Variants in STMN1 observed in about 807,000 individuals in gnomAD.
STMN1 encodes the protein stathmin 1.
In STMN1, 3 loss-of-function variants were observed where a neutral mutation model predicts 19.7. That is an observed-to-expected ratio of 0.15 (90% CI 0.07 to 0.39). The LOEUF is 0.39. Among genes scored for constraint, STMN1 ranks in the 10% least tolerant of loss-of-function variants. The pLI is 1.00. For missense variants in STMN1, 99 were observed against 176.0 expected, an observed-to-expected ratio of 0.56 and a Z score of 2.48; for synonymous variants, 59 against 58.9, an observed-to-expected ratio of 1.00 and a Z score of -0.01.
chr1:25,900,483 A>G lies in STMN1; in HGVS notation c.*533T>C, dbSNP rs1368994758. 1.4e-5 allele frequency: 14 copies of G among 985,828 alleles called. No individual in the cohort carries two copies. The highest frequency in any genetic ancestry group is 1.7e-5 in the Non-Finnish European group (14 of 830,028). 61.1% of individuals were successfully genotyped at this position (985,828 alleles called of 1,614,324 possible). On this transcript the variant is annotated 3_prime_UTR_variant, in exon 5 of 5. Coordinates refer to ENST00000455785, the MANE Select transcript of STMN1 (RefSeq NM_005563.4). Reference sequence around the variant, plus strand: ...TGCGTTGGGTATTTCTACCAGCCCCAAAGGCCCCATCTGGAACAAGTATCA... The same window carrying G: ...TGCGTTGGGTATTTCTACCAGCCCCGAAGGCCCCATCTGGAACAAGTATCA...
intron 2 of STMN1, among the ~76,000 whole-genome samples, chr1:25,904,091 T>C (rs769496639): frequency 4.6e-5 from 7 of 152,150 alleles, no homozygotes; most frequent in Non-Finnish European, 7.4e-5. Context: ...CATGGGAAGA[T>C]CCCTTGAGCC....
chr1:25,900,464 G>T lies in STMN1; in HGVS notation c.*552C>A. 1.0e-6 allele frequency: 1 copy of T among 985,824 alleles called. No homozygotes were observed. Among genetic ancestry groups the T allele is most frequent in the Non-Finnish European group, 1.2e-6 (1 of 829,956 alleles). 61.1% of individuals were successfully genotyped at this position (985,824 alleles called of 1,614,324 possible). Reference sequence around the variant, plus strand: ...GAGAACGTGCGGTCATTTGTGCGTTGGGTATTTCTACCAGCCCCAAAGGCC... The same window carrying T: ...GAGAACGTGCGGTCATTTGTGCGTTTGGTATTTCTACCAGCCCCAAAGGCC... On this transcript the variant is annotated 3_prime_UTR_variant, in exon 5 of 5. Transcript: ENST00000455785.
chr1:25,894,450 C>T (rs1211929115), intron 4 of STMN1, among the ~76,000 whole-genome samples: 1 of 152,136 alleles, frequency 6.6e-6, no homozygotes, highest in Non-Finnish European at 1.5e-5. Flanking sequence ...GAAGTTGAGG[C>T]TGGTGGATTG....
intron 2 of STMN1, 102 bp from the exon 3 acceptor site, chr1:25,903,915 T>A: frequency 8.1e-7 from 1 of 1,232,418 alleles, no homozygotes; most frequent in Non-Finnish European, 1.1e-6. Flanking sequence ...TGTATTAAAC[T>A]AGGGCTGATG....
rs562210598 is a variant in STMN1, at chr1:25,885,882, G to A, written c.379-13C>T. 18 of 1,539,160 alleles carry A rather than the reference G, an allele frequency of 1.2e-5. No individual in the cohort carries two copies. In the South Asian group the frequency reaches 2.1e-4, roughly 18 times the overall value. Reference sequence around the variant, plus strand: ...TCCAGAAGTACATCTGGAAGAAAAAGAAAAATCACCAGGTCATCTGCAACC... The same window carrying A: ...TCCAGAAGTACATCTGGAAGAAAAAAAAAAATCACCAGGTCATCTGCAACC... On this transcript the variant is annotated splice_polypyrimidine_tract_variant and intron_variant, in intron 4 of 4. Coordinates refer to the STMN1 transcript ENST00000426559.
At position 25,900,206 on chromosome 1, in the gene STMN1, T is replaced by A; in HGVS notation, c.*810A>T. On this transcript the variant is annotated 3_prime_UTR_variant, in exon 5 of 5. Transcript: ENST00000455785. ...AAAGGATGAGGACATGCCCCACCTG[T>A]AACGTAGAGCAAGCAAACCACCAAG... 1.0e-6 allele frequency: 1 copy of A among 985,898 alleles called. No individual in the cohort carries two copies. Among genetic ancestry groups the A allele is most frequent in the Non-Finnish European group, 1.2e-6 (1 of 829,946 alleles). 61.1% of individuals were successfully genotyped at this position (985,898 alleles called of 1,614,324 possible).
intron 4 of STMN1, among the ~76,000 whole-genome samples, chr1:25,893,832 C>T (rs747708581): frequency 3.9e-5 from 6 of 152,294 alleles, no homozygotes; most frequent in South Asian, 2.1e-4. Flanking sequence ...TGAGCCACTG[C>T]GCCTGGCCAA....
chr1:25,898,613 G>C (rs985443551), downstream of STMN1, among the ~76,000 whole-genome samples: 2 of 152,196 alleles, frequency 1.3e-5, no homozygotes, highest in African/African-American at 4.8e-5. Flanking sequence ...ACTGAGCCCA[G>C]TCAACCATAA....
chr1:25,895,377 A>T (rs971054337), downstream of STMN1, among the ~76,000 whole-genome samples: 3 of 152,144 alleles, frequency 2.0e-5, no homozygotes, highest in African/African-American at 7.2e-5. Flanking sequence ...AAGTGCTGGG[A>T]TTACAGGCTA....
chr1:25,886,965 C>T (rs1337537205), intron 4 of STMN1, among the ~76,000 whole-genome samples: 1 of 152,054 alleles, frequency 6.6e-6, no homozygotes, highest in African/African-American at 2.4e-5. Flanking sequence ...AGGCAGCCCT[C>T]GTTGACCGGT....
chr1:25,885,252 G>A (rs1307672659), downstream of STMN1: 1 of 153,940 alleles, frequency 6.5e-6, no homozygotes, highest in East Asian at 1.9e-4. Context: ...CCCAGGAAGG[G>A]TGGTGGCACT....
At chr1:25,900,079 G>C (rs2048853792), downstream of STMN1, 1 of 985,464 alleles carries the variant, frequency 1.0e-6, no homozygotes, top group Admixed American at 6.2e-5. Context: ...TGCTACTTTA[G>C]AAATAATTAA....
intron 4 of STMN1, among the ~76,000 whole-genome samples, chr1:25,894,033 G>A (rs1399609909): frequency 4.6e-5 from 7 of 152,218 alleles, no homozygotes; most frequent in South Asian, 4.1e-4. Flanking sequence ...TCCTGGGCCT[G>A]CATCCTGAGG....
intron 4 of STMN1, among the ~76,000 whole-genome samples, chr1:25,889,650 G>A (rs528260848): frequency 5.3e-5 from 8 of 152,052 alleles, no homozygotes; most frequent in Non-Finnish European, 1.0e-4. Flanking sequence ...TGTGCACTCC[G>A]GCTCTCCTTA....
chr1:25,898,143 C>A (rs1006089174), downstream of STMN1, among the ~76,000 whole-genome samples: 2 of 152,224 alleles, frequency 1.3e-5, no homozygotes, highest in African/African-American at 2.4e-5. Context: ...AGAGCCTCCA[C>A]TGCTTAGAAT....
chr1:25,889,607 C>T (rs373739840), intron 4 of STMN1, among the ~76,000 whole-genome samples: 1 of 152,200 alleles, frequency 6.6e-6, no homozygotes, highest in Non-Finnish European at 1.5e-5. Context: ...GACCCTCCAC[C>T]TCACTGTCCA....
At position 25,900,776 on chromosome 1, in the gene STMN1, G is replaced by C. The variant is rs531365351; in HGVS notation, c.*240C>G. ...CCAAGTGTACTGAAGTAGAAAAGATGCAACAAGAAAAATAGCTACATTAGA... is the reference window on the plus strand; with the variant it reads ...CCAAGTGTACTGAAGTAGAAAAGATCCAACAAGAAAAATAGCTACATTAGA... On this transcript the variant is annotated 3_prime_UTR_variant, in exon 5 of 5. Transcript: ENST00000455785. The C allele has an allele frequency of 2.3e-6, 3 of 1,325,002 alleles. No homozygotes were observed. 82.1% of individuals were successfully genotyped at this position (1,325,002 alleles called of 1,614,324 possible).
intron 4 of STMN1, among the ~76,000 whole-genome samples, chr1:25,893,754 C>G (rs938041566): frequency 3.3e-5 from 5 of 152,140 alleles, no homozygotes; most frequent in African/African-American, 1.2e-4. Context: ...TTGGCCAAGC[C>G]GGTCTCAAAC....
chr1:25,895,930 G>C (rs2048815176), downstream of STMN1, among the ~76,000 whole-genome samples: 3 of 152,186 alleles, frequency 2.0e-5, no homozygotes, highest in Admixed American at 6.5e-5. Flanking sequence ...CCAGTGCCCT[G>C]AGGTAGACCG....
Sources: allele counts gnomAD v4.1 joint callset (sites outside exome capture counted in the v4.1 genomes callset), GRCh38; gene constraint gnomAD v4.1.1; transcripts MANE v1.5; gene names NCBI Gene and HGNC (gene_info 2026-07-23, HGNC 2026-07-21).